The following FSTL5 variants were observed in gnomAD, a reference collection of about 807,000 sequenced individuals.
The protein encoded by FSTL5 is follistatin like 5, also known as follistatin-related protein 5.
Under a neutral mutation model 89.1 loss-of-function variants are expected in FSTL5, and 62 were observed. That is an observed-to-expected ratio of 0.70 (90% CI 0.57 to 0.86). FSTL5 has a LOEUF of 0.86. Among genes scored for constraint, FSTL5 ranks in the 40% least tolerant of loss-of-function variants. The pLI, the probability that FSTL5 is intolerant of heterozygous loss-of-function variation, is 0.00. For missense variants in FSTL5, 1,057 were observed against 1,001.6 expected (o/e 1.06, Z -0.75); for synonymous variants, 383 against 346.2 (o/e 1.11, Z -1.18).
intron 10 of FSTL5, among the ~76,000 whole-genome samples, chr4:161,512,125 G>T (rs1730671307): frequency 1.3e-5 from 2 of 152,064 alleles, no homozygotes; most frequent in Non-Finnish European, 2.9e-5. Context: ...CACACACAAT[G>T]CAAAAGAAGT....
rs141380040 is a variant in FSTL5 at position 161,926,483 on chromosome 4, C to G, written c.161-5831G>C. Among the ~76,000 whole-genome samples the G allele has an allele frequency of 1.2e-3, 183 of 150,402 alleles. 1 individual carries two copies. Among genetic ancestry groups the G allele is most frequent in the African/African-American group, 4.2e-3 (172 of 41,002 alleles). On this transcript the variant is annotated intron_variant, in intron 3 of 15. Transcript: ENST00000306100. ...AAAAGCCAGAGATCCAGGTAATTTG[C>G]ACCCATCCAAATTATAATTTCTGTT...
intron 6 of FSTL5, among the ~76,000 whole-genome samples, chr4:161,708,547 A>G (rs1043680526): frequency 6.6e-6 from 1 of 152,040 alleles, no homozygotes; most frequent in African/African-American, 2.4e-5. Context: ...ATTTCATGTT[A>G]TATGCATCAT....
intron 15 of FSTL5, among the ~76,000 whole-genome samples, chr4:161,398,806 C>T (rs1731085879): frequency 6.6e-6 from 1 of 151,996 alleles, no homozygotes; most frequent in African/African-American, 2.4e-5. Context: ...CCTTGTGATA[C>T]TAACTCACTT....
Position 161,529,336 on chromosome 4 carries a change from A to T in FSTL5, c.1312+8830T>A, listed in dbSNP as rs754399759. Among the ~76,000 whole-genome samples, 169 of 143,224 alleles carry T rather than the reference A, an allele frequency of 1.2e-3. 22 individuals are homozygous for T. The highest frequency in any genetic ancestry group is 2.1e-3 in the Non-Finnish European group (134 of 65,256). 94.0% of individuals were successfully genotyped at this position (143,224 alleles called of 152,430 possible). ...TATTTTCGGTATGTTCTGGGTAAAA[A>T]GATGAAAAGACTTATAGAACAAGTT... On this transcript the variant is annotated intron_variant, in intron 10 of 15. Coordinates refer to ENST00000306100, the MANE Select transcript of FSTL5 (RefSeq NM_020116.5).
chr4:161,417,434 T>C (rs1318540889), intron 15 of FSTL5, among the ~76,000 whole-genome samples: 2 of 152,232 alleles, frequency 1.3e-5, no homozygotes, highest in Non-Finnish European at 2.9e-5. Context: ...CAGCTAAATT[T>C]ATAGAGTTGC....
chr4:161,396,784 A>G (rs1280640546), intron 15 of FSTL5, among the ~76,000 whole-genome samples: 1 of 152,122 alleles, frequency 6.6e-6, no homozygotes, highest in Non-Finnish European at 1.5e-5. Context: ...CCATTTTATA[A>G]GAAAAATACA....
At chr4:162,045,585 A>G (rs1301452587) in intron 2 of FSTL5, among the ~76,000 whole-genome samples, 1 of 152,170 alleles carries the variant, frequency 6.6e-6, no homozygotes, top group Admixed American at 6.6e-5. Flanking sequence ...AAAAGTTCAA[A>G]ATATTATGGG....
intron 15 of FSTL5, among the ~76,000 whole-genome samples, chr4:161,394,243 C>G (rs1371199491): frequency 6.6e-6 from 1 of 152,056 alleles, no homozygotes; most frequent in Admixed American, 6.6e-5. Flanking sequence ...GAAAATGCTT[C>G]TTAACATTTA....
intron 7 of FSTL5, among the ~76,000 whole-genome samples, chr4:161,631,111 C>T (rs562041234): frequency 9.9e-5 from 15 of 152,214 alleles, no homozygotes; most frequent in African/African-American, 2.6e-4. Context: ...GATTCTTCAC[C>T]GGTGCCTTAT....
At chr4:161,406,658 T>A (rs999156994) in intron 15 of FSTL5, among the ~76,000 whole-genome samples, 3 of 152,214 alleles carry the variant, frequency 2.0e-5, no homozygotes, top group Admixed American at 2.0e-4. Context: ...CACCTTTCAA[T>A]GCTGTCAATA....
At chr4:161,752,145 G>GTA (rs966947358) in intron 6 of FSTL5, among the ~76,000 whole-genome samples, 4 of 152,042 alleles carry the variant, frequency 2.6e-5, no homozygotes, top group African/African-American at 9.7e-5. Flanking sequence ...ACATTATGAT[G>GTA]TATAAATCAG....
At chr4:161,570,925 C>A (rs1732985136) in intron 8 of FSTL5, among the ~76,000 whole-genome samples, 1 of 151,950 alleles carries the variant, frequency 6.6e-6, no homozygotes. Context: ...ACCATCCTGG[C>A]CAACATGGTG....
intron 1 of FSTL5, among the ~76,000 whole-genome samples, chr4:162,161,861 T>G (rs867830083): frequency 2.0e-5 from 3 of 152,098 alleles, no homozygotes; most frequent in African/African-American, 7.2e-5. Flanking sequence ...TAATTAGTTT[T>G]AACAAGAACA....
chr4:161,875,109 G>A (rs1732399463), intron 4 of FSTL5, among the ~76,000 whole-genome samples: 1 of 151,876 alleles, frequency 6.6e-6, no homozygotes, highest in Admixed American at 6.6e-5. Flanking sequence ...TGTCTTGTTT[G>A]TTCCCGTTCA....
chr4:161,725,342 T>C (rs1390898446), intron 6 of FSTL5, among the ~76,000 whole-genome samples: 2 of 152,172 alleles, frequency 1.3e-5, no homozygotes, highest in Non-Finnish European at 2.9e-5. Context: ...TTTTGTACAA[T>C]GTGCATATCG....
chr4:161,759,682 C>A (rs536067100), intron 5 of FSTL5, 151 bp from the exon 6 acceptor site: 1 of 420,158 alleles, frequency 2.4e-6, no homozygotes, highest in South Asian at 8.5e-5. Flanking sequence ...TTTTTAGTTA[C>A]TGAACAATCA....
At chr4:162,013,075 T>C (rs765597671) in intron 3 of FSTL5, among the ~76,000 whole-genome samples, 1 of 151,816 alleles carries the variant, frequency 6.6e-6, no homozygotes, top group Non-Finnish European at 1.5e-5. Flanking sequence ...TCCCAACTAC[T>C]TGGGAGGCTG....
intron 2 of FSTL5, among the ~76,000 whole-genome samples, chr4:162,047,163 G>C (rs891007639): frequency 6.6e-6 from 1 of 152,078 alleles, no homozygotes; most frequent in Non-Finnish European, 1.5e-5. Flanking sequence ...TAAACAGAAA[G>C]TAGGTCAATA....
At chr4:161,543,301 A>T (rs1731894806) in intron 8 of FSTL5, among the ~76,000 whole-genome samples, 1 of 151,968 alleles carries the variant, frequency 6.6e-6, no homozygotes, top group Non-Finnish European at 1.5e-5. Context: ...ATCCGAAGAC[A>T]CTTTGTATTC....
Sources: allele counts gnomAD v4.1 joint callset (sites outside exome capture counted in the v4.1 genomes callset), GRCh38; gene constraint gnomAD v4.1.1; transcripts MANE v1.5; gene names NCBI Gene and HGNC (gene_info 2026-07-23, HGNC 2026-07-21).